The following CAP2 variants were observed in gnomAD, a reference collection of about 807,000 sequenced individuals.
CAP2 encodes adenylyl cyclase-associated protein 2.
CAP2 carries 24 observed loss-of-function variants against 57.7 expected under a neutral mutation model. The ratio of observed to expected loss-of-function variants is 0.42; its 90% CI spans 0.30 to 0.58. The LOEUF (loss-of-function observed/expected upper bound fraction) is 0.58, where lower values mean the gene tolerates loss of function less well. Ranked by LOEUF, CAP2 falls within the 20% of genes least tolerant of loss-of-function variation. CAP2 has a pLI of 0.22. For missense variants in CAP2, 501 were observed against 590.3 expected, an observed-to-expected ratio of 0.85 and a Z score of 1.57; for synonymous variants, 194 against 207.2, an observed-to-expected ratio of 0.94 and a Z score of 0.55.
intron 3 of CAP2, among the ~76,000 whole-genome samples, chr6:17,433,638 G>C (rs1561781666): frequency 6.6e-6 from 1 of 152,158 alleles, no homozygotes; most frequent in South Asian, 2.1e-4. Flanking sequence ...CACTGGCGTG[G>C]GCTCGGCCTG....
At chr6:17,488,026 G>T (rs1761459304) in intron 4 of CAP2, among the ~76,000 whole-genome samples, 1 of 152,148 alleles carries the variant, frequency 6.6e-6, no homozygotes, top group Non-Finnish European at 1.5e-5. Context: ...CTGGGCTCAA[G>T]TGATCCTCCC....
chr6:17,510,563 C>G (rs542278350), intron 6 of CAP2, among the ~76,000 whole-genome samples: 1 of 152,250 alleles, frequency 6.6e-6, no homozygotes, highest in East Asian at 1.9e-4. Context: ...GGCAATTGTG[C>G]CCAATGATAT....
At chr6:17,530,281 A>G (rs1183351227) in intron 7 of CAP2, among the ~76,000 whole-genome samples, 4 of 152,182 alleles carry the variant, frequency 2.6e-5, no homozygotes, top group African/African-American at 9.6e-5. Context: ...GGATCTCACT[A>G]TGTTGCCTGT....
At chr6:17,437,686 G>T (rs370042284) in intron 3 of CAP2, among the ~76,000 whole-genome samples, 2 of 152,120 alleles carry the variant, frequency 1.3e-5, no homozygotes, top group East Asian at 3.9e-4. Context: ...AGACCAGTCT[G>T]GCCAACACGG....
At chr6:17,436,023 T>C (rs1759871249) in intron 3 of CAP2, among the ~76,000 whole-genome samples, 1 of 152,100 alleles carries the variant, frequency 6.6e-6, no homozygotes, top group African/African-American at 2.4e-5. Context: ...GTCTCTAAGG[T>C]TAAGATGACT....
chr6:17,542,578 C>A (rs1762931175), intron 9 of CAP2, among the ~76,000 whole-genome samples: 1 of 152,184 alleles, frequency 6.6e-6, no homozygotes, highest in South Asian at 2.1e-4. Context: ...CTCTCACATC[C>A]CTGCTCCAGC....
At chr6:17,441,035 G>T (rs1402595674) in intron 3 of CAP2, among the ~76,000 whole-genome samples, 5 of 151,554 alleles carry the variant, frequency 3.3e-5, no homozygotes, top group African/African-American at 9.8e-5. Context: ...ATTCCATGGT[G>T]TCTCCCATTT....
intron 1 of CAP2, among the ~76,000 whole-genome samples, chr6:17,412,311 C>A (rs1159877974): frequency 1.3e-5 from 2 of 152,126 alleles, no homozygotes; most frequent in African/African-American, 4.8e-5. Flanking sequence ...CCTGTGTAGC[C>A]CCAAGCCAGT....
chr6:17,406,959 G>A (rs547921203), intron 1 of CAP2, among the ~76,000 whole-genome samples: 151 of 152,170 alleles, frequency 9.9e-4, no homozygotes, highest in African/African-American at 2.6e-3. Flanking sequence ...AAAAAAACCA[G>A]CATTTTACTC....
intron 4 of CAP2, among the ~76,000 whole-genome samples, chr6:17,474,638 A>G (rs962131831): frequency 2.6e-5 from 4 of 152,172 alleles, no homozygotes; most frequent in African/African-American, 9.7e-5. Flanking sequence ...ATGTTATTTG[A>G]ACTTCCTCAG....
At chr6:17,458,956 C>T (rs1458855112) in intron 3 of CAP2, among the ~76,000 whole-genome samples, 3 of 150,408 alleles carry the variant, frequency 2.0e-5, no homozygotes, top group African/African-American at 2.5e-5. Context: ...AAACCCATAA[C>T]CTAAAGCAAT....
At chr6:17,447,177 A>T (rs80335010) in intron 3 of CAP2, among the ~76,000 whole-genome samples, 2 of 28,528 alleles carry the variant, frequency 7.0e-5, no homozygotes, top group East Asian at 9.6e-3. Context: ...CAGCTAATTA[A>T]AAAAAAAAAA....
intron 1 of CAP2, among the ~76,000 whole-genome samples, chr6:17,411,435 A>G (rs1759139036): frequency 6.6e-6 from 1 of 152,214 alleles, no homozygotes; most frequent in South Asian, 2.1e-4. Flanking sequence ...CAATTCCTTC[A>G]TATTCTCACC....
At chr6:17,519,145 G>A (rs773233727) in intron 7 of CAP2, among the ~76,000 whole-genome samples, 4 of 152,154 alleles carry the variant, frequency 2.6e-5, no homozygotes, top group African/African-American at 7.2e-5. Flanking sequence ...GACCTGGACT[G>A]TCCAAGGGCA....
chr6:17,524,153 T>C (rs1278681170), intron 7 of CAP2, among the ~76,000 whole-genome samples: 1 of 152,100 alleles, frequency 6.6e-6, no homozygotes, highest in African/African-American at 2.4e-5. Flanking sequence ...AGTTGTCTAA[T>C]TTGATGGATT....
chr6:17,430,027 C>A (rs898744596), intron 3 of CAP2, among the ~76,000 whole-genome samples: 1 of 152,176 alleles, frequency 6.6e-6, no homozygotes, highest in Non-Finnish European at 1.5e-5. Context: ...TTGAGAGTGA[C>A]ACAAATGTGC....
chr6:17,419,544 C>A (rs956659736), intron 1 of CAP2, among the ~76,000 whole-genome samples: 3 of 152,120 alleles, frequency 2.0e-5, no homozygotes, highest in African/African-American at 7.2e-5. Context: ...GGGTTTCATT[C>A]CTCAGAGGTT....
chr6:17,542,742 G>A (rs1338138170), intron 9 of CAP2, 95 bp from the exon 10 acceptor site: 7 of 955,080 alleles, frequency 7.3e-6, no homozygotes, highest in Non-Finnish European at 1.1e-5. Context: ...ATATTGCAAA[G>A]CCATACTTCA....
chr6:17,434,431 G>A (rs1473289644), intron 3 of CAP2, among the ~76,000 whole-genome samples: 2 of 152,018 alleles, frequency 1.3e-5, no homozygotes, highest in African/African-American at 4.8e-5. Context: ...GTTTCACTCT[G>A]TTGGCCAGGC....
Sources: gnomAD v4.1 joint callset for allele counts (sites outside exome capture counted in the v4.1 genomes callset) on GRCh38, gnomAD v4.1.1 for gene constraint, MANE v1.5 for transcripts, NCBI Gene and HGNC (gene_info 2026-07-23, HGNC 2026-07-21) for gene names.